Variants in PCDHGA2 observed in about 807,000 individuals in gnomAD.
The protein encoded by PCDHGA2 is protocadherin gamma subfamily A, 2, also known as protocadherin gamma-A2.
PCDHGA2 carries 40 observed loss-of-function variants against 59.2 expected under a neutral mutation model. The ratio of observed to expected loss-of-function variants is 0.68; its 90% CI spans 0.52 to 0.88. The LOEUF (loss-of-function observed/expected upper bound fraction) is 0.88, where lower values mean the gene tolerates loss of function less well. PCDHGA2 is among the 40% of genes least tolerant of loss of function. The pLI, the probability that PCDHGA2 is intolerant of heterozygous loss-of-function variation, is 0.00. For synonymous variants in PCDHGA2, 560 were observed against 526.0 expected (o/e 1.06, Z -0.89); for missense variants, 1,226 against 1,204.0 (o/e 1.02, Z -0.27).
At chr5:141,361,189 G>A in intron 1 of PCDHGA2, 3 of 1,613,964 alleles carry the variant, frequency 1.9e-6, no homozygotes, top group Non-Finnish European at 1.7e-6. Context: ...TGTGACTTCA[G>A]TATCTACTCC....
Position 141,418,176 on chromosome 5 carries a change from T to G in PCDHGA2, c.2425-76631T>G, listed in dbSNP as rs1197334192. 1 of 1,614,078 alleles carries G rather than the reference T, an allele frequency of 6.2e-7. No individual in the cohort carries two copies. Among genetic ancestry groups the G allele is most frequent in the Non-Finnish European group, 8.5e-7 (1 of 1,179,908 alleles). On this transcript the variant is annotated intron_variant, in intron 1 of 3. Coordinates refer to ENST00000394576, the MANE Select transcript of PCDHGA2 (RefSeq NM_018915.4). ...GAGAGAAGAAGATGTGAGTTGCAAT[T>G]GGAAGCTGTGGTGGAAAATCCTTTA...
At chr5:141,375,121 A>G (rs1483677104) in intron 1 of PCDHGA2, 1 of 1,613,942 alleles carries the variant, frequency 6.2e-7, no homozygotes, top group Non-Finnish European at 8.5e-7. Context: ...ATGTACCAGA[A>G]GTGGTTGTTA....
In PCDHGA2 at chr5:141,432,249, A is replaced by G; in HGVS notation, c.2425-62558A>G. The G allele has an allele frequency of 6.2e-7, 1 of 1,614,206 alleles. No individual in the cohort carries two copies. Among genetic ancestry groups the G allele is most frequent in the Non-Finnish European group, 8.5e-7 (1 of 1,180,044 alleles). On this transcript the variant is annotated intron_variant, in intron 1 of 3. Coordinates refer to ENST00000394576, the MANE Select transcript of PCDHGA2 (RefSeq NM_018915.4). The surrounding 1 kb of genome is among the most constrained non-coding windows in gnomAD (Gnocchi z 6.0). ...TATTCCCTGGCTGAGAACACCATCC[A>G]AGGGGCAAGCCTATCGTCCTACGTG...
chr5:141,399,472 C>T lies in PCDHGA2; in HGVS notation c.2424+58077C>T, dbSNP rs763239278. On this transcript the variant is annotated intron_variant, in intron 1 of 3. Transcript: ENST00000394576. ...CGTCAACGATAACGCTCCGGTTTTCCACCAGGCGTCCTACTTAGTCAGTGT... is the reference window on the plus strand; with the variant it reads ...CGTCAACGATAACGCTCCGGTTTTCTACCAGGCGTCCTACTTAGTCAGTGT... 29 of 1,613,908 alleles carry T rather than the reference C, an allele frequency of 1.8e-5. No individual in the cohort carries two copies. The South Asian group carries it at 2.9e-4, about 16-fold the overall frequency.
intron 1 of PCDHGA2, chr5:141,393,024 A>G (rs755325492): frequency 6.2e-7 from 1 of 1,613,834 alleles, no homozygotes; most frequent in East Asian, 2.2e-5. Context: ...CTCCAGAGGT[A>G]GGACGCAGCT....
At chr5:141,410,335 T>C (rs2095381391) in intron 1 of PCDHGA2, 1 of 1,613,894 alleles carries the variant, frequency 6.2e-7, no homozygotes, top group African/African-American at 1.3e-5. Context: ...TTCTGGCCAT[T>C]GCCTTGCGCC....
At chr5:141,435,858 A>C (rs138728159) in intron 1 of PCDHGA2, among the ~76,000 whole-genome samples, 1 of 152,304 alleles carries the variant, frequency 6.6e-6, no homozygotes, top group East Asian at 1.9e-4. Context: ...TACAATAGTT[A>C]AAACCCAGAA....
Position 141,404,625 on chromosome 5 carries a change from A to G in PCDHGA2, c.2424+63230A>G, listed in dbSNP as rs375300806. The G allele has an allele frequency of 9.0e-5, 146 of 1,614,036 alleles. No homozygotes were observed. The highest frequency in any genetic ancestry group is 5.1e-4 in the South Asian group (46 of 91,078). On this transcript the variant is annotated intron_variant, in intron 1 of 3. Transcript: ENST00000394576. ...CTGTTTGTTTTGGACCAGAATGACA[A>G]TGCCCCAGAAATCCTGTACCCTGCC...
chr5:141,486,162 T>G lies in PCDHGA2; in HGVS notation c.2425-8645T>G, dbSNP rs763023343. ...GCTCGCGATGGGGGTTCTCCAGCCA[T>G]GGAGCAACATTGCAGCCTTCGAGTG... On this transcript the variant is annotated intron_variant, in intron 1 of 3. Coordinates refer to ENST00000394576, the MANE Select transcript of PCDHGA2 (RefSeq NM_018915.4). The surrounding 1 kb of genome is among the most constrained non-coding windows in gnomAD (Gnocchi z 5.0). The G allele has an allele frequency of 6.2e-7, 1 of 1,614,170 alleles. No individual in the cohort carries two copies. Among genetic ancestry groups the G allele is most frequent in the Non-Finnish European group, 8.5e-7 (1 of 1,180,026 alleles).
intron 1 of PCDHGA2, among the ~76,000 whole-genome samples, chr5:141,438,370 A>G (rs2097956460): frequency 1.3e-5 from 2 of 152,004 alleles, no homozygotes; most frequent in South Asian, 4.2e-4. Context: ...CATTGAGGGC[A>G]GATATAATTT....
chr5:141,462,552 T>A (rs966816379), intron 1 of PCDHGA2, among the ~76,000 whole-genome samples: 1 of 152,194 alleles, frequency 6.6e-6, no homozygotes, highest in Non-Finnish European at 1.5e-5. Context: ...TCTTCTTCAG[T>A]GTTTACTGTA....
At chr5:141,461,388 A>T (rs1025976806) in intron 1 of PCDHGA2, among the ~76,000 whole-genome samples, 5 of 152,164 alleles carry the variant, frequency 3.3e-5, no homozygotes, top group Admixed American at 6.5e-5. Context: ...CCTGATGATT[A>T]GCGATGTTGA....
intron 1 of PCDHGA2, chr5:141,351,145 CG>C: frequency 6.2e-7 from 1 of 1,613,972 alleles, no homozygotes; most frequent in African/African-American, 1.3e-5. Flanking sequence ...CAAATACTGG[CG>C]ACATCACAAC....
At chr5:141,355,244 A>C in intron 1 of PCDHGA2, 1 of 1,613,114 alleles carries the variant, frequency 6.2e-7, no homozygotes, top group Non-Finnish European at 8.5e-7. Context: ...CGGCTGCTCC[A>C]GATCTGCCTT....
At chr5:141,408,003 C>G in intron 1 of PCDHGA2, 1 of 917,520 alleles carries the variant, frequency 1.1e-6, no homozygotes, top group Non-Finnish European at 1.6e-6. Flanking sequence ...GCCTGGGATT[C>G]CCTGCGCAGC....
chr5:141,340,794 T>G lies in PCDHGA2; in HGVS notation c.1823T>G (p.Leu608Arg). 1 of 1,612,902 alleles carries G rather than the reference T, an allele frequency of 6.2e-7. No individual in the cohort carries two copies. The highest frequency in any genetic ancestry group is 8.5e-7 in the Non-Finnish European group (1 of 1,179,912). ...SGQNAWLSYHLLKASEPGLFS... is the reference protein window; with the variant it reads ...SGQNAWLSYHRLKASEPGLFS... ...CAGAACGCCTGGCTGTCTTACCACCTGCTCAAGGCCAGCGAGCCGGGACTC... is the reference window on the plus strand; with the variant it reads ...CAGAACGCCTGGCTGTCTTACCACCGGCTCAAGGCCAGCGAGCCGGGACTC... The change falls in exon 1 of 4, where the codon CTG becomes CGG. Residue 608 changes from leucine to arginine, a missense_variant. Physicochemically the swap from Leu to Arg is moderately radical, Grantham distance 102. Coordinates refer to ENST00000394576, the MANE Select transcript of PCDHGA2 (RefSeq NM_018915.4).
chr5:141,339,055 C>A lies in PCDHGA2; in HGVS notation c.84C>A (p.Ala28=). ...TGGCGACCCTGTGGGAGGCCAGGGC[C>A]GGGCAGATTCGCTATTCTGTGCGGG... is the stretch of plus-strand genomic sequence containing the variant. ...FLLATLWEAR[A]GQIRYSVREE... The change falls in exon 1 of 4, where the codon GCC becomes GCA. Residue 28 remains alanine, a synonymous_variant. Transcript: ENST00000394576. The A allele has an allele frequency of 1.2e-6, 2 of 1,611,996 alleles. No homozygotes were observed. The highest frequency in any genetic ancestry group is 1.3e-5 in the African/African-American group (1 of 75,004).
chr5:141,469,511 G>A (rs2099203340), intron 1 of PCDHGA2, among the ~76,000 whole-genome samples: 1 of 152,038 alleles, frequency 6.6e-6, no homozygotes, highest in African/African-American at 2.4e-5. Flanking sequence ...GGAGGTGGAG[G>A]TTGCAGTGAG....
chr5:141,364,824 A>G, intron 1 of PCDHGA2: 2 of 1,613,612 alleles, frequency 1.2e-6, no homozygotes, highest in Non-Finnish European at 1.7e-6. Context: ...GTGGGTGTGA[A>G]CTCTCTCCGG....
Sources: allele counts gnomAD v4.1 joint callset (sites outside exome capture counted in the v4.1 genomes callset), GRCh38; gene constraint gnomAD v4.1.1; non-coding constraint Gnocchi (gnomAD v3.1); transcripts MANE v1.5; gene names NCBI Gene and HGNC (gene_info 2026-07-23, HGNC 2026-07-21).